Variants in SLC25A17 observed in about 807,000 individuals in gnomAD.
SLC25A17 encodes the protein peroxisomal membrane protein PMP34.
Under a neutral mutation model 38.5 loss-of-function variants are expected in SLC25A17, and 26 were observed. The observed-to-expected ratio is 0.68, with a 90% CI of 0.50 to 0.94. The LOEUF (loss-of-function observed/expected upper bound fraction) is 0.94, where lower values mean the gene tolerates loss of function less well. Ranked by LOEUF, SLC25A17 falls within the 40% of genes least tolerant of loss-of-function variation. The probability of loss-of-function intolerance (pLI) is 0.00; values close to 1 mark genes in which losing one functional copy is unlikely to be tolerated. For missense variants in SLC25A17, 333 were observed against 372.7 expected (o/e 0.89, Z 0.88); for synonymous variants, 139 against 136.2 (o/e 1.02, Z -0.14).
In SLC25A17 at chr22:40,777,183, G is replaced by C. The variant is rs747017520; in HGVS notation, c.597+45C>G. ...ACCATATCAATCAAGTCAACAAGAA[G>C]GTGTCAGACAGAATTATTTTACTGC... On this transcript the variant is annotated intron_variant, in intron 6 of 8. Transcript: ENST00000435456. 1.2e-5 allele frequency: 19 copies of C among 1,613,094 alleles called. 1 individual carries two copies. The highest frequency in any genetic ancestry group is 1.6e-5 in the Non-Finnish European group (19 of 1,179,250).
chr22:40,772,784 G>A (rs2057198294), intron 8 of SLC25A17, among the ~76,000 whole-genome samples: 1 of 151,860 alleles, frequency 6.6e-6, no homozygotes, highest in Non-Finnish European at 1.5e-5. Context: ...TTACAGGTTT[G>A]TGCCACATGC....
chr22:40,811,159 CTCTT>C (rs1384891355), intron 1 of SLC25A17, among the ~76,000 whole-genome samples: 1 of 152,032 alleles, frequency 6.6e-6, no homozygotes, highest in African/African-American at 2.4e-5. Flanking sequence ...TTGAATCCCT[CTCTT>C]TATTCTCTCC....
chr22:40,783,821 T>C (rs551278991), intron 4 of SLC25A17, among the ~76,000 whole-genome samples: 20 of 152,146 alleles, frequency 1.3e-4, no homozygotes, highest in Non-Finnish European at 1.5e-4. Flanking sequence ...TTCTCCTACC[T>C]CAGCCTCCCA....
At chr22:40,777,579 T>A (rs1034024628) in intron 5 of SLC25A17, among the ~76,000 whole-genome samples, 35 of 152,214 alleles carry the variant, frequency 2.3e-4, no homozygotes, top group African/African-American at 8.2e-4. Flanking sequence ...GTCAGGAGTT[T>A]GAGACCAGCC....
At chr22:40,779,694 C>A in intron 4 of SLC25A17, 1 of 157,886 alleles carries the variant, frequency 6.3e-6, no homozygotes, top group Non-Finnish European at 1.4e-5. Flanking sequence ...GATAGGCAGG[C>A]AGCAAGCATC....
chr22:40,810,447 A>G (rs1307000888), intron 1 of SLC25A17, among the ~76,000 whole-genome samples: 1 of 150,984 alleles, frequency 6.6e-6, no homozygotes, highest in Non-Finnish European at 1.5e-5. Context: ...TCCCGGGTTC[A>G]AGTGATTCTC....
intron 4 of SLC25A17, chr22:40,788,906 ACT>A (rs1267078670): frequency 3.6e-6 from 1 of 280,376 alleles, no homozygotes; most frequent in Admixed American, 3.8e-5. Context: ...GAAATAAGTG[ACT>A]CTCATGAATC....
chr22:40,784,660 G>C, intron 4 of SLC25A17: 1 of 160,578 alleles, frequency 6.2e-6, no homozygotes, highest in Non-Finnish European at 1.4e-5. Context: ...TGTAGTCCTA[G>C]CTACTGGGGA....
intron 1 of SLC25A17, among the ~76,000 whole-genome samples, chr22:40,806,617 C>A (rs986119908): frequency 2.0e-5 from 3 of 151,870 alleles, no homozygotes; most frequent in Admixed American, 6.6e-5. Flanking sequence ...ATAAAATTAA[C>A]CATTTTAAAG....
At chr22:40,779,453 T>C in intron 4 of SLC25A17, 1 of 556,406 alleles carries the variant, frequency 1.8e-6, no homozygotes, top group South Asian at 2.8e-5. Context: ...AAATATAATT[T>C]TAACGTAACA....
rs368512353 is a variant in SLC25A17 at position 40,777,786 on chromosome 22, A to G, written c.452-413T>C. On this transcript the variant is annotated intron_variant, in intron 5 of 8. Transcript: ENST00000435456. ...GACAGAGCAAGACTCCATTTCCAAAAAAAAAAAAAAAAAGATTTCTTTCTT... is the reference window on the plus strand; with the variant it reads ...GACAGAGCAAGACTCCATTTCCAAAGAAAAAAAAAAAAAGATTTCTTTCTT... Among the ~76,000 whole-genome samples, 10 of 151,900 alleles carry G rather than the reference A, an allele frequency of 6.6e-5. No individual in the cohort carries two copies. The South Asian group carries it at 1.0e-3, about 16-fold the overall frequency.
intron 2 of SLC25A17, among the ~76,000 whole-genome samples, chr22:40,796,118 C>T (rs2057427382): frequency 6.6e-6 from 1 of 152,090 alleles, no homozygotes; most frequent in Admixed American, 6.5e-5. Context: ...AGGGTTTTAG[C>T]CTTGCGTCTG....
At chr22:40,814,919 A>G (rs886933728) in intron 1 of SLC25A17, among the ~76,000 whole-genome samples, 18 of 151,812 alleles carry the variant, frequency 1.2e-4, no homozygotes, top group Non-Finnish European at 2.5e-4. Context: ...TCCCGGGTTC[A>G]TGCCGTTCTC....
chr22:40,801,519 C>T (rs151172605), intron 1 of SLC25A17, among the ~76,000 whole-genome samples: 2 of 151,958 alleles, frequency 1.3e-5, no homozygotes, highest in East Asian at 3.9e-4. Context: ...TTTTTGATGA[C>T]CCCAACATAA....
Position 40,799,049 on chromosome 22 carries a change from A to C in SLC25A17, c.89T>G (p.Leu30Arg), listed in dbSNP as rs1373333250. 1 of 1,613,484 alleles carries C rather than the reference A, an allele frequency of 6.2e-7. No homozygotes were observed. The highest frequency in any genetic ancestry group is 8.5e-7 in the Non-Finnish European group (1 of 1,179,506). The change falls in exon 2 of 9, where the codon CTG (leucine) becomes CGG (arginine). Residue 30 changes from leucine to arginine, a missense_variant. Coordinates refer to ENST00000435456, the MANE Select transcript of SLC25A17 (RefSeq NM_006358.4). ...SVTAMTVFFP[L>R]DTARLRLQVD... Reference sequence around the variant, plus strand: ...CTGAAGTCGAAGTCTAGCTGTATCCAGGGGAAAAAACACTGTCATTGCTGT... The same window carrying C: ...CTGAAGTCGAAGTCTAGCTGTATCCCGGGGAAAAAACACTGTCATTGCTGT...
chr22:40,801,130 TATATATATATATATATA>T (rs1569410151), intron 1 of SLC25A17, among the ~76,000 whole-genome samples: 11 of 19,372 alleles, frequency 5.7e-4, no homozygotes, highest in African/African-American at 1.8e-3. Context: ...ATATATTACA[TATATATATATATATATA>T]TATATATATA....
intron 1 of SLC25A17, 128 bp downstream of exon 1, chr22:40,819,067 A>G: frequency 1.0e-6 from 1 of 973,900 alleles, no homozygotes; most frequent in Non-Finnish European, 1.5e-6. Flanking sequence ...TCTCTGCCCC[A>G]CAGTCATGAC....
intron 1 of SLC25A17, among the ~76,000 whole-genome samples, chr22:40,806,547 AT>A (rs1029174870): frequency 3.3e-5 from 5 of 152,002 alleles, no homozygotes; most frequent in African/African-American, 1.2e-4. Context: ...TTGTCTGAGG[AT>A]TTTTTTTGCC....
intron 1 of SLC25A17, among the ~76,000 whole-genome samples, chr22:40,818,152 CAG>C (rs1192290399): frequency 6.6e-6 from 1 of 152,164 alleles, no homozygotes; most frequent in East Asian, 1.9e-4. Context: ...GGAGGCTAAA[CAG>C]AGGATTCAGT....
Sources: allele counts gnomAD v4.1 joint callset (sites outside exome capture counted in the v4.1 genomes callset), GRCh38; gene constraint gnomAD v4.1.1; transcripts MANE v1.5; gene names NCBI Gene and HGNC (gene_info 2026-07-23, HGNC 2026-07-21).